The following PRKG1 variants were observed in gnomAD, a reference collection of about 807,000 sequenced individuals.
PRKG1 encodes the protein cGMP-dependent protein kinase 1.
A neutral mutation model predicts 88.1 loss-of-function variants in PRKG1; 35 were observed. The observed-to-expected ratio is 0.40, with a 90% CI of 0.30 to 0.53. The LOEUF (loss-of-function observed/expected upper bound fraction) is 0.53. PRKG1 is among the 20% of genes least tolerant of loss of function. The pLI, the probability that PRKG1 is intolerant of heterozygous loss-of-function variation, is 0.59. For synonymous variants in PRKG1, 303 were observed against 292.5 expected (o/e 1.04, Z -0.37); for missense variants, 540 against 839.8 (o/e 0.64, Z 4.41).
In PRKG1 at chr10:52,251,507, T is replaced by C. The variant is rs1173450148; in HGVS notation, c.1077-63T>C. On this transcript the variant is annotated intron_variant, in intron 9 of 17. Transcript: ENST00000373980. ...CACAGTCATGTCATTCTGGTACAGATGTACGTGGTACTCGTGTTTGCACCT... is the reference window on the plus strand; with the variant it reads ...CACAGTCATGTCATTCTGGTACAGACGTACGTGGTACTCGTGTTTGCACCT... The C allele has an allele frequency of 5.8e-6, 7 of 1,202,124 alleles. No individual in the cohort carries two copies. In the African/African-American group the frequency reaches 1.0e-4, roughly 18 times the overall value. 74.5% of individuals were successfully genotyped at this position (1,202,124 alleles called of 1,614,324 possible).
chr10:51,452,424 C>T lies in PRKG1; in HGVS notation c.479-15299C>T, dbSNP rs549408932. On this transcript the variant is annotated intron_variant, in intron 2 of 17. Coordinates refer to ENST00000373980, the MANE Select transcript of PRKG1 (RefSeq NM_006258.4). The stretch of plus-strand genomic sequence containing the variant: ...CCCATTCAGTGTGGTGTTGGCTGTG[C>T]GTTTGTCATAGATGGCTTTTATTAC... Among the ~76,000 whole-genome samples the T allele has an allele frequency of 6.6e-5, 10 of 151,830 alleles. No individual in the cohort carries two copies. The South Asian group carries it at 1.0e-3, about 16-fold the overall frequency.
chr10:52,024,123 A>C (rs1382010280), intron 5 of PRKG1, among the ~76,000 whole-genome samples: 1 of 152,008 alleles, frequency 6.6e-6, no homozygotes, highest in Admixed American at 6.6e-5. Flanking sequence ...ACCACTGCTC[A>C]AGGAAATAAG....
chr10:52,019,812 A>G (rs1055343714), intron 5 of PRKG1, among the ~76,000 whole-genome samples: 4 of 152,114 alleles, frequency 2.6e-5, no homozygotes, highest in Non-Finnish European at 4.4e-5. Flanking sequence ...GGGGACTGAC[A>G]GTTTTTGAGT....
At chr10:51,866,759 T>G (rs1261851584) in intron 4 of PRKG1, among the ~76,000 whole-genome samples, 1 of 152,198 alleles carries the variant, frequency 6.6e-6, no homozygotes, top group East Asian at 1.9e-4. Context: ...TTGGTGTCAG[T>G]TCAGGCAAGA....
chr10:51,316,873 A>G (rs1475447312), intron 2 of PRKG1, among the ~76,000 whole-genome samples: 1 of 152,092 alleles, frequency 6.6e-6, no homozygotes, highest in East Asian at 1.9e-4. Flanking sequence ...TTTTATTCTG[A>G]ATGAGGCTTG....
At chr10:52,279,151 G>A (rs765737471) in intron 12 of PRKG1, among the ~76,000 whole-genome samples, 7 of 152,030 alleles carry the variant, frequency 4.6e-5, no homozygotes, top group Non-Finnish European at 7.4e-5. Context: ...AATTAAGGGC[G>A]AAGAAGAAAG....
intron 2 of PRKG1, among the ~76,000 whole-genome samples, chr10:51,370,671 A>G (rs1243661139): frequency 6.6e-6 from 1 of 152,136 alleles, no homozygotes; most frequent in Non-Finnish European, 1.5e-5. Flanking sequence ...ATATTAAAAA[A>G]TAAATCTAAA....
At chr10:51,924,860 C>T (rs1229444369) in intron 5 of PRKG1, among the ~76,000 whole-genome samples, 1 of 151,598 alleles carries the variant, frequency 6.6e-6, no homozygotes, top group African/African-American at 2.4e-5. Flanking sequence ...ATTTCTGTTG[C>T]AGTCTTTTAA....
chr10:52,032,011 G>C (rs373117238), intron 5 of PRKG1, among the ~76,000 whole-genome samples: 33 of 152,024 alleles, frequency 2.2e-4, no homozygotes, highest in African/African-American at 8.0e-4. Context: ...AACAGTCATG[G>C]TCTTAAATGT....
chr10:52,171,070 CAG>C (rs1009645056), intron 9 of PRKG1, among the ~76,000 whole-genome samples: 12 of 151,352 alleles, frequency 7.9e-5, no homozygotes, highest in African/African-American at 2.7e-4. Context: ...CTTGAGTACA[CAG>C]GGGTTGCTGT....
chr10:52,288,297 G>A (rs1243087605), intron 14 of PRKG1, among the ~76,000 whole-genome samples: 1 of 152,092 alleles, frequency 6.6e-6, no homozygotes. Flanking sequence ...GAAGGCTATT[G>A]TTTCTGGATC....
chr10:52,227,754 G>A (rs2132345868), intron 9 of PRKG1, among the ~76,000 whole-genome samples: 1 of 152,216 alleles, frequency 6.6e-6, no homozygotes, highest in African/African-American at 2.4e-5. Flanking sequence ...CCATAGCATA[G>A]CATTGCAATG....
chr10:51,568,090 C>A (rs533441708), intron 3 of PRKG1, among the ~76,000 whole-genome samples: 4 of 151,976 alleles, frequency 2.6e-5, no homozygotes, highest in African/African-American at 7.2e-5. Context: ...GAAGGTGAAT[C>A]ATGGTTTGTC....
chr10:51,140,566 T>C (rs1272678274), intron 1 of PRKG1, among the ~76,000 whole-genome samples: 1 of 152,168 alleles, frequency 6.6e-6, no homozygotes, highest in Non-Finnish European at 1.5e-5. Flanking sequence ...TAAGTTTCCA[T>C]TGGGAGGATT....
chr10:52,161,880 G>A lies in PRKG1; in HGVS notation c.1002-9G>A, dbSNP rs200218082. ...GAAGATTAATCACTGTGCTTTTTTC[G>A]TCTGACAGCTCTTTTAAACATTTGA... On this transcript the variant is annotated splice_polypyrimidine_tract_variant and intron_variant, in intron 8 of 17. Transcript: ENST00000373980. The A allele has an allele frequency of 2.0e-4, 320 of 1,610,520 alleles. 1 individual carries two copies. The highest frequency in any genetic ancestry group is 2.5e-4 in the South Asian group (23 of 90,656).
intron 1 of PRKG1, among the ~76,000 whole-genome samples, chr10:51,018,523 A>G (rs954936522): frequency 6.6e-6 from 1 of 152,206 alleles, no homozygotes; most frequent in Non-Finnish European, 1.5e-5. Context: ...CCAGTTGAAC[A>G]TGCTGCCTCT....
At chr10:52,077,365 A>G (rs1225960864) in intron 7 of PRKG1, among the ~76,000 whole-genome samples, 3 of 152,176 alleles carry the variant, frequency 2.0e-5, no homozygotes, top group Non-Finnish European at 4.4e-5. Context: ...TATCTAAGAT[A>G]TCTAAGATCT....
intron 2 of PRKG1, among the ~76,000 whole-genome samples, chr10:51,212,325 T>A (rs987217480): frequency 2.6e-5 from 4 of 152,124 alleles, no homozygotes; most frequent in Non-Finnish European, 2.9e-5. Flanking sequence ...TCAAGATGGA[T>A]TAAAGACTTA....
intron 12 of PRKG1, among the ~76,000 whole-genome samples, chr10:52,275,495 A>T (rs1407374040): frequency 6.6e-6 from 1 of 151,908 alleles, no homozygotes; most frequent in Non-Finnish European, 1.5e-5. Flanking sequence ...GGCTGTAAGT[A>T]TTTGGGTTCA....
Sources: allele counts gnomAD v4.1 joint callset (sites outside exome capture counted in the v4.1 genomes callset), GRCh38; gene constraint gnomAD v4.1.1; transcripts MANE v1.5; gene names NCBI Gene and HGNC (gene_info 2026-07-23, HGNC 2026-07-21).